Variants in RBMS3 observed in about 807,000 individuals in gnomAD.
RBMS3 encodes the protein RNA-binding motif, single-stranded-interacting protein 3.
RBMS3 carries 27 observed loss-of-function variants against 66.8 expected under a neutral mutation model. The ratio of observed to expected loss-of-function variants is 0.40; its 90% CI spans 0.30 to 0.56. The LOEUF (loss-of-function observed/expected upper bound fraction) is 0.56. RBMS3 is among the 20% of genes least tolerant of loss of function. The probability of loss-of-function intolerance (pLI) is 0.40; values close to 1 mark genes in which losing one functional copy is unlikely to be tolerated. For synonymous variants in RBMS3, 188 were observed against 183.0 expected, an observed-to-expected ratio of 1.03 and a Z score of -0.22; for missense variants, 513 against 549.5, an observed-to-expected ratio of 0.93 and a Z score of 0.66.
At chr3:29,479,111 A>G (rs1433765353) in intron 2 of RBMS3, among the ~76,000 whole-genome samples, 1 of 152,188 alleles carries the variant, frequency 6.6e-6, no homozygotes, top group Non-Finnish European at 1.5e-5. Context: ...TATAAGCAAT[A>G]TAACTTAAGT....
chr3:29,489,423 A>C (rs1019311912), intron 3 of RBMS3, among the ~76,000 whole-genome samples: 1 of 152,110 alleles, frequency 6.6e-6, no homozygotes, highest in Non-Finnish European at 1.5e-5. Flanking sequence ...AATGAACTAC[A>C]TATTACAAGA....
At chr3:29,769,105 C>T (rs895184274) in intron 6 of RBMS3, among the ~76,000 whole-genome samples, 1 of 151,332 alleles carries the variant, frequency 6.6e-6, no homozygotes, top group Non-Finnish European at 1.5e-5. Flanking sequence ...ATTATAAATC[C>T]CATAGTAGGG....
intron 1 of RBMS3, among the ~76,000 whole-genome samples, chr3:29,425,725 A>G (rs1455904207): frequency 6.6e-6 from 1 of 152,204 alleles, no homozygotes; most frequent in Non-Finnish European, 1.5e-5. Context: ...TATTAAGTGT[A>G]AGAATGTTAC....
At chr3:29,910,798 G>T (rs577711366) in intron 10 of RBMS3, among the ~76,000 whole-genome samples, 7 of 150,102 alleles carry the variant, frequency 4.7e-5, no homozygotes, top group Non-Finnish European at 7.4e-5. Context: ...TCATGTGTGT[G>T]TTTGTGTATG....
At chr3:29,699,107 A>C (rs1380993532) in intron 4 of RBMS3, among the ~76,000 whole-genome samples, 1 of 152,190 alleles carries the variant, frequency 6.6e-6, no homozygotes, top group Non-Finnish European at 1.5e-5. Context: ...ATACACAAAA[A>C]ATCTTTCAAT....
intron 2 of RBMS3, among the ~76,000 whole-genome samples, chr3:29,448,125 T>C (rs756440480): frequency 3.9e-5 from 6 of 152,176 alleles, no homozygotes; most frequent in Non-Finnish European, 7.3e-5. Context: ...AGTGGTGCAA[T>C]TGCACAGTGA....
intron 4 of RBMS3, among the ~76,000 whole-genome samples, chr3:29,599,023 A>T (rs1390064609): frequency 6.6e-6 from 1 of 152,020 alleles, no homozygotes; most frequent in Admixed American, 6.6e-5. Context: ...GGCAGAATTG[A>T]CACCACAGAA....
At chr3:29,544,389 GT>G (rs540506335) in intron 3 of RBMS3, among the ~76,000 whole-genome samples, 2 of 86,034 alleles carry the variant, frequency 2.3e-5, no homozygotes, top group Non-Finnish European at 3.9e-5. Context: ...TTACAAATTT[GT>G]TTTTTTTTAG....
intron 4 of RBMS3, among the ~76,000 whole-genome samples, chr3:29,677,220 A>T (rs1198262749): frequency 6.6e-6 from 1 of 152,194 alleles, no homozygotes; most frequent in Non-Finnish European, 1.5e-5. Flanking sequence ...AACAATGGAG[A>T]TTAAATTTCA....
chr3:29,786,559 T>A (rs1385913306), intron 6 of RBMS3, among the ~76,000 whole-genome samples: 1 of 152,062 alleles, frequency 6.6e-6, no homozygotes, highest in Non-Finnish European at 1.5e-5. Context: ...AACCAACTGA[T>A]CTTCAACAAA....
intron 6 of RBMS3, among the ~76,000 whole-genome samples, chr3:29,865,853 G>C (rs1387699721): frequency 6.6e-6 from 1 of 152,008 alleles, no homozygotes; most frequent in Non-Finnish European, 1.5e-5. Context: ...TCTTCCTCAA[G>C]GATGATACCT....
At chr3:29,367,728 A>T (rs2037985988) in intron 1 of RBMS3, among the ~76,000 whole-genome samples, 1 of 152,184 alleles carries the variant, frequency 6.6e-6, no homozygotes. Context: ...AAGAAAATAT[A>T]AAGTTGATTT....
intron 1 of RBMS3, among the ~76,000 whole-genome samples, chr3:29,389,194 C>G (rs1344549898): frequency 2.0e-5 from 3 of 152,120 alleles, no homozygotes; most frequent in Non-Finnish European, 1.5e-5. Context: ...CCAGGTATAT[C>G]TCTTAGCCAT....
At chr3:29,432,739 A>G (rs2041255984) in intron 1 of RBMS3, among the ~76,000 whole-genome samples, 1 of 152,212 alleles carries the variant, frequency 6.6e-6, no homozygotes, top group Admixed American at 6.5e-5. Flanking sequence ...GCTGTGAAGG[A>G]AAATACCAGA....
At chr3:29,627,459 A>C (rs1360121846) in intron 4 of RBMS3, among the ~76,000 whole-genome samples, 1 of 152,090 alleles carries the variant, frequency 6.6e-6, no homozygotes, top group Non-Finnish European at 1.5e-5. Context: ...TAATAATTCC[A>C]GTGGTACAGC....
chr3:29,494,444 A>G (rs1186122412), intron 3 of RBMS3, among the ~76,000 whole-genome samples: 1 of 152,194 alleles, frequency 6.6e-6, no homozygotes, highest in Admixed American at 6.5e-5. Context: ...GACAACATAC[A>G]ACAAAGCAGT....
intron 1 of RBMS3, among the ~76,000 whole-genome samples, chr3:29,405,986 C>G (rs1394442177): frequency 6.6e-6 from 1 of 152,162 alleles, no homozygotes; most frequent in African/African-American, 2.4e-5. Flanking sequence ...TGCTGCATAT[C>G]CTAATTGTTA....
chr3:29,555,188 G>A (rs1430898517), intron 3 of RBMS3, among the ~76,000 whole-genome samples: 1 of 152,186 alleles, frequency 6.6e-6, no homozygotes, highest in Non-Finnish European at 1.5e-5. Context: ...CTAGATGAAT[G>A]AATCAGAGCA....
intron 4 of RBMS3, among the ~76,000 whole-genome samples, chr3:29,713,163 A>C (rs1365078270): frequency 6.6e-6 from 1 of 151,968 alleles, no homozygotes; most frequent in Non-Finnish European, 1.5e-5. Context: ...TGTAGTATCA[A>C]ACTTTAGAAA....
Sources: allele counts gnomAD v4.1 joint callset (sites outside exome capture counted in the v4.1 genomes callset), GRCh38; gene constraint gnomAD v4.1.1; transcripts MANE v1.5; gene names NCBI Gene and HGNC (gene_info 2026-07-23, HGNC 2026-07-21).